Variants in MTG1 observed in about 807,000 individuals in gnomAD.
MTG1 encodes the protein mitochondrial ribosome associated GTPase 1.
Under a neutral mutation model 39.5 loss-of-function variants are expected in MTG1, and 30 were observed. The ratio of observed to expected loss-of-function variants is 0.76; its 90% CI spans 0.57 to 1.03. The LOEUF (loss-of-function observed/expected upper bound fraction) is 1.03. MTG1 is among the 50% of genes least tolerant of loss of function. MTG1 has a pLI of 0.00. For missense variants in MTG1, 513 were observed against 447.4 expected, an observed-to-expected ratio of 1.15 and a Z score of -1.32; for synonymous variants, 217 against 179.0, an observed-to-expected ratio of 1.21 and a Z score of -1.69.
In MTG1 at chr10:133,396,861, C is replaced by T. The variant is rs182595316; in HGVS notation, c.282+594C>T. Among the ~76,000 whole-genome samples, 196 of 152,342 alleles carry T rather than the reference C, an allele frequency of 1.3e-3. 1 individual carries two copies. The highest frequency in any genetic ancestry group is 4.6e-3 in the African/African-American group (191 of 41,598). The stretch of plus-strand genomic sequence containing the variant: ...CAGGGCCACCAGAGGACTCCTTGGT[C>T]TAGCGGTAACGCCAGTGTCTGGGAA... On this transcript the variant is annotated intron_variant, in intron 3 of 10. Coordinates refer to ENST00000317502, the MANE Select transcript of MTG1 (RefSeq NM_138384.4).
chr10:133,415,371 G>C (rs1321077297), intron 9 of MTG1, among the ~76,000 whole-genome samples: 1 of 152,092 alleles, frequency 6.6e-6, no homozygotes, highest in Non-Finnish European at 1.5e-5. Context: ...AATTCTTTCA[G>C]CTTTTGGTTG....
chr10:133,406,610 G>A (rs1048106204), intron 9 of MTG1, among the ~76,000 whole-genome samples: 38 of 149,402 alleles, frequency 2.5e-4, no homozygotes, highest in African/African-American at 8.1e-4. Flanking sequence ...TTCCAGAAGC[G>A]TTTCCCTTAC....
At chr10:133,409,765 C>T (rs917085216) in intron 9 of MTG1, among the ~76,000 whole-genome samples, 6 of 152,148 alleles carry the variant, frequency 3.9e-5, no homozygotes, top group South Asian at 2.1e-4. Context: ...CTTTATCAAT[C>T]GTATAGTGAC....
chr10:133,394,569 G>A, intron 1 of MTG1: 1 of 1,331,764 alleles, frequency 7.5e-7, no homozygotes. Context: ...GCGCAGCCTC[G>A]GACCCAGGGC....
chr10:133,396,124 G>C, intron 2 of MTG1, 39 bp from the exon 3 acceptor site: 11 of 1,596,156 alleles, frequency 6.9e-6, no homozygotes, highest in Non-Finnish European at 9.5e-6. Flanking sequence ...TTGGTTGGCT[G>C]GTAAAGCTTT....
intron 9 of MTG1, among the ~76,000 whole-genome samples, chr10:133,416,388 ATTTTTC>A (rs1250985707): frequency 1.7e-5 from 2 of 119,928 alleles, no homozygotes; most frequent in African/African-American, 5.7e-5. Flanking sequence ...ATATATATAT[ATTTTTC>A]TTTTTATTTT....
At chr10:133,415,179 T>TGGAGAGGGAGAGGGAGCGGAGCG (rs1850105002) in intron 9 of MTG1, among the ~76,000 whole-genome samples, 2 of 151,428 alleles carry the variant, frequency 1.3e-5, no homozygotes, top group Admixed American at 6.6e-5. Flanking sequence ...AGGGAGACCG[T>TGGAGAGGGAGAGGGAGCGGAGCG]GGAGAGGGAG....
intron 7 of MTG1, 48 bp downstream of exon 7, chr10:133,401,638 G>C: frequency 6.3e-7 from 1 of 1,591,168 alleles, no homozygotes; most frequent in Non-Finnish European, 8.6e-7. Flanking sequence ...GAGCTCTGCA[G>C]GCGTCTGGCA....
intron 9 of MTG1, among the ~76,000 whole-genome samples, chr10:133,411,212 A>T (rs540171761): frequency 3.3e-5 from 5 of 150,950 alleles, no homozygotes; most frequent in Admixed American, 2.0e-4. Flanking sequence ...TGACAGTTGC[A>T]TTTTTTTTTC....
At chr10:133,410,526 T>G (rs1850030316) in intron 9 of MTG1, among the ~76,000 whole-genome samples, 1 of 152,258 alleles carries the variant, frequency 6.6e-6, no homozygotes, top group Non-Finnish European at 1.5e-5. Flanking sequence ...TGGTATGTTT[T>G]AATTTGTTGC....
At chr10:133,401,029 A>C (rs1297027529) in intron 6 of MTG1, among the ~76,000 whole-genome samples, 1 of 152,212 alleles carries the variant, frequency 6.6e-6, no homozygotes, top group African/African-American at 2.4e-5. Flanking sequence ...TTGTTTGTCC[A>C]CAGTGGAGTG....
Position 133,402,622 on chromosome 10 carries a change from A to G in MTG1, c.671-70A>G. 1.5e-6 allele frequency: 2 copies of G among 1,361,108 alleles called. No individual in the cohort carries two copies. The highest frequency in any genetic ancestry group is 2.0e-6 in the Non-Finnish European group (2 of 978,550). The allele number at this position is 1,361,108 out of a possible 1,614,324, so 84.3% of individuals were successfully genotyped here. ...TGTCTTTGGGCTAGGACTGGAAGGG[A>G]TGTGTTTGAACTTGGCAGGAACATA... On this transcript the variant is annotated intron_variant, in intron 8 of 10. Coordinates refer to ENST00000317502, the MANE Select transcript of MTG1 (RefSeq NM_138384.4). This position sits in a 1 kb window ranked among gnomAD's most constrained non-coding sequence, Gnocchi z 4.7.
intron 4 of MTG1, among the ~76,000 whole-genome samples, 179 bp from the exon 5 acceptor site, chr10:133,398,991 C>T (rs548268207): frequency 1.1e-4 from 17 of 152,260 alleles, no homozygotes; most frequent in African/African-American, 3.6e-4. Flanking sequence ...TGAAGGGTGA[C>T]GCCCAGTTTG....
rs1185227999 is a variant in MTG1, at chr10:133,419,520, G to A, written c.793G>A (p.Val265Ile). ...HYGLGSACDNVERVLKSVAVK... is the reference protein window; with the variant it reads ...HYGLGSACDNIERVLKSVAVK... Reference sequence around the variant, plus strand: ...CGGCCTGGGCAGTGCCTGTGACAACGTAGAGCGCGTGCTGAAGAGTGTGGC... The same window carrying A: ...CGGCCTGGGCAGTGCCTGTGACAACATAGAGCGCGTGCTGAAGAGTGTGGC... Residue 265 changes from valine to isoleucine, a missense_variant, in exon 10 of 11, where the codon GTA becomes ATA. By Grantham distance (29) the Val-to-Ile change is conservative (BLOSUM62 3). Coordinates refer to ENST00000317502, the MANE Select transcript of MTG1 (RefSeq NM_138384.4). 1.6e-5 allele frequency: 26 copies of A among 1,609,342 alleles called. No homozygotes were observed. Among genetic ancestry groups the A allele is most frequent in the Non-Finnish European group, 2.1e-5 (25 of 1,178,174 alleles).
At chr10:133,401,784 T>A in intron 7 of MTG1, 194 bp downstream of exon 7, 4 of 713,476 alleles carry the variant, frequency 5.6e-6, no homozygotes, top group Non-Finnish European at 1.0e-5. Context: ...GCGCCAAACC[T>A]TTGGGGAAGG....
At chr10:133,406,571 T>TA (rs1236385190) in intron 9 of MTG1, among the ~76,000 whole-genome samples, 1 of 152,050 alleles carries the variant, frequency 6.6e-6, no homozygotes, top group Admixed American at 6.6e-5. Flanking sequence ...TTTGAGGTCT[T>TA]ATACAAAAAA....
chr10:133,402,258 T>G lies in MTG1; in HGVS notation c.670+13T>G. 13 of 775,870 alleles carry G rather than the reference T, an allele frequency of 1.7e-5. No homozygotes were observed. Among genetic ancestry groups the G allele is most frequent in the Non-Finnish European group, 2.2e-5 (13 of 598,278 alleles). 48.1% of individuals were successfully genotyped at this position (775,870 alleles called of 1,614,324 possible). Reference sequence around the variant, plus strand: ...CTGGCCCTGTGTGGTGAGCCGGGGCTGGGGCTGGGGCTGGGGCTGGGACCG... The same window carrying G: ...CTGGCCCTGTGTGGTGAGCCGGGGCGGGGGCTGGGGCTGGGGCTGGGACCG... On this transcript the variant is annotated intron_variant, in intron 8 of 10. Coordinates refer to ENST00000317502, the MANE Select transcript of MTG1 (RefSeq NM_138384.4). The surrounding 1 kb of genome is among the most constrained non-coding windows in gnomAD (Gnocchi z 4.7).
intron 9 of MTG1, among the ~76,000 whole-genome samples, chr10:133,415,817 G>T (rs1850115791): frequency 6.6e-6 from 1 of 152,126 alleles, no homozygotes; most frequent in South Asian, 2.1e-4. Flanking sequence ...TACTCCTCAG[G>T]ACCTCAGGCA....
intron 6 of MTG1, among the ~76,000 whole-genome samples, chr10:133,400,309 G>A (rs964498630): frequency 2.6e-5 from 4 of 152,382 alleles, no homozygotes; most frequent in Admixed American, 6.5e-5. Context: ...CCTCCATGGC[G>A]TCCGCCTTGC....
Sources: gnomAD v4.1 joint callset for allele counts (sites outside exome capture counted in the v4.1 genomes callset) on GRCh38, gnomAD v4.1.1 for gene constraint, Gnocchi (gnomAD v3.1) non-coding constraint, MANE v1.5 for transcripts, NCBI Gene and HGNC (gene_info 2026-07-23, HGNC 2026-07-21) for gene names.